The following LEMD3 variants were observed in gnomAD, a reference collection of about 807,000 sequenced individuals.
LEMD3 encodes the protein LEM domain containing 3, also known as inner nuclear membrane protein Man1.
Under a neutral mutation model 95.2 loss-of-function variants are expected in LEMD3, and 33 were observed. That is an observed-to-expected ratio of 0.35 (90% CI 0.26 to 0.46). The LOEUF (loss-of-function observed/expected upper bound fraction) is 0.46. Among genes scored for constraint, LEMD3 ranks in the 20% least tolerant of loss-of-function variants. The probability of loss-of-function intolerance (pLI) is 1.00; values close to 1 mark genes in which losing one functional copy is unlikely to be tolerated. For synonymous variants in LEMD3, 525 were observed against 474.6 expected (o/e 1.11, Z -1.38); for missense variants, 1,210 against 1,192.8 (o/e 1.01, Z -0.21).
At position 65,215,921 on chromosome 12, in the gene LEMD3, T is replaced by C; in HGVS notation, c.1561-56T>C. ...TTTTTTTTTTTTTGATTAAGAATTATTTGGTGTTTTTTTTCTTGTAATTGG... is the reference window on the plus strand; with the variant it reads ...TTTTTTTTTTTTTGATTAAGAATTACTTGGTGTTTTTTTTCTTGTAATTGG... On this transcript the variant is annotated intron_variant, in intron 2 of 12. Coordinates refer to ENST00000308330, the MANE Select transcript of LEMD3 (RefSeq NM_014319.5). 3 of 673,500 alleles carry C rather than the reference T, an allele frequency of 4.5e-6. No individual in the cohort carries two copies. The Admixed American group carries it at 8.2e-5, about 19-fold the overall frequency. The allele number at this position is 673,500 out of a possible 1,614,324, so 41.7% of individuals were successfully genotyped here. A position where few individuals can be genotyped will look rare whatever the true frequency, so the allele number is the denominator to read the frequency against.
intron 4 of LEMD3, 88 bp from the exon 5 acceptor site, chr12:65,238,414 A>T (rs899456827): frequency 5.1e-6 from 4 of 776,926 alleles, no homozygotes; most frequent in African/African-American, 1.8e-5. Context: ...TAAAATAAAA[A>T]TGTTATATAG....
At chr12:65,180,988 A>AC (rs1183503989) in intron 1 of LEMD3, among the ~76,000 whole-genome samples, 18 of 151,066 alleles carry the variant, frequency 1.2e-4, no homozygotes, top group African/African-American at 4.1e-4. Flanking sequence ...GTATGTACAC[A>AC]AACACACACA....
intron 1 of LEMD3, among the ~76,000 whole-genome samples, chr12:65,199,941 C>T (rs1379315285): frequency 6.6e-6 from 1 of 151,892 alleles, no homozygotes; most frequent in Non-Finnish European, 1.5e-5. Context: ...GGCAGGGAAC[C>T]TAAGGCTGAT....
At chr12:65,176,067 T>A (rs1868709628) in intron 1 of LEMD3, among the ~76,000 whole-genome samples, 1 of 152,212 alleles carries the variant, frequency 6.6e-6, no homozygotes, top group South Asian at 2.1e-4. Flanking sequence ...TCTAGGTTAG[T>A]CTCTTGCCTG....
In LEMD3 at chr12:65,169,646, T is replaced by C; in HGVS notation, c.50T>C (p.Leu17Pro). The change falls in exon 1 of 13, where the codon CTT becomes CCT. Residue 17 changes from leucine to proline, a missense_variant. Transcript: ENST00000308330. ...SAPQQLSDEELFSQLRRYGLS... is the reference protein window; with the variant it reads ...SAPQQLSDEEPFSQLRRYGLS... ...CCTCAGCAGCTCTCGGATGAGGAGC[T>C]TTTCTCTCAGCTCCGCCGTTACGGC... The C allele has an allele frequency of 1.9e-6, 3 of 1,587,676 alleles. No homozygotes were observed. Among genetic ancestry groups the C allele is most frequent in the Non-Finnish European group, 2.6e-6 (3 of 1,168,678 alleles).
intron 1 of LEMD3, among the ~76,000 whole-genome samples, chr12:65,178,822 T>A (rs972987657): frequency 6.6e-6 from 1 of 152,190 alleles, no homozygotes; most frequent in African/African-American, 2.4e-5. Context: ...TTAATATGTA[T>A]AAATAAGGAC....
chr12:65,223,651 T>C (rs966355217), intron 4 of LEMD3, among the ~76,000 whole-genome samples: 1 of 152,098 alleles, frequency 6.6e-6, no homozygotes, highest in Non-Finnish European at 1.5e-5. Flanking sequence ...ATGATAAAAT[T>C]GGAGCTTTTT....
intron 4 of LEMD3, among the ~76,000 whole-genome samples, chr12:65,236,254 T>C (rs1329784709): frequency 6.6e-6 from 1 of 152,196 alleles, no homozygotes; most frequent in Non-Finnish European, 1.5e-5. Flanking sequence ...CATTTTTTCC[T>C]CTACGAGCCA....
chr12:65,236,574 TG>T (rs1870779427), intron 4 of LEMD3, among the ~76,000 whole-genome samples: 2 of 152,056 alleles, frequency 1.3e-5, no homozygotes, highest in South Asian at 2.1e-4. Context: ...ATTCATTTTT[TG>T]CTCAAAAGGG....
intron 1 of LEMD3, among the ~76,000 whole-genome samples, chr12:65,191,405 A>C (rs1324609322): frequency 3.3e-5 from 5 of 152,152 alleles, no homozygotes; most frequent in African/African-American, 9.7e-5. Context: ...ATAACAGGAC[A>C]TATCAGATTT....
chr12:65,246,373 C>G lies in LEMD3; in HGVS notation c.*48C>G. ...GACTGTTATTTACAATAGGAAAATT[C>G]CTGTTTGGCTTTTTGTCTTCCTTTT... On this transcript the variant is annotated 3_prime_UTR_variant, in exon 13 of 13. Coordinates refer to ENST00000308330, the MANE Select transcript of LEMD3 (RefSeq NM_014319.5). The G allele has an allele frequency of 6.9e-7, 1 of 1,457,018 alleles. No individual in the cohort carries two copies. Among genetic ancestry groups the G allele is most frequent in the Non-Finnish European group, 9.6e-7 (1 of 1,040,566 alleles). 90.3% of individuals were successfully genotyped at this position (1,457,018 alleles called of 1,614,324 possible). A position where few individuals can be genotyped will look rare whatever the true frequency, so the allele number is the denominator to read the frequency against.
rs772526332 is a variant in LEMD3 at position 65,246,273 on chromosome 12, T to C, written c.2684T>C (p.Met895Thr). Residue 895 changes from methionine (M) to threonine (T), a missense_variant, in exon 13 of 13, where the codon ATG (methionine) becomes ACG (threonine). Met to Thr is a moderately conservative substitution (Grantham distance 81, BLOSUM62 -1). This residue lies in a region of LEMD3 where 461 missense variants were observed against 569.8 expected (regional missense o/e 0.81). Transcript: ENST00000308330. ...CCATCAAATAAACATATGAACTCCA[T>C]GTCTCATCTTCGTCTTCGGACTGGC... ...LKPSNKHMNS[M>T]SHLRLRTGLT... 1.2e-6 allele frequency: 2 copies of C among 1,613,618 alleles called. No individual in the cohort carries two copies. The highest frequency in any genetic ancestry group is 1.7e-6 in the Non-Finnish European group (2 of 1,179,632).
chr12:65,182,681 GATCACT>G (rs1184596135), intron 1 of LEMD3, among the ~76,000 whole-genome samples: 6 of 152,248 alleles, frequency 3.9e-5, no homozygotes, highest in African/African-American at 9.6e-5. Context: ...TAGCCTTGCT[GATCACT>G]AAAAGGTAGA....
chr12:65,223,551 C>T (rs2136344389), intron 4 of LEMD3, among the ~76,000 whole-genome samples: 1 of 152,152 alleles, frequency 6.6e-6, no homozygotes, highest in East Asian at 1.9e-4. Flanking sequence ...ATGGCTACCC[C>T]TACTCTTTAT....
intron 4 of LEMD3, among the ~76,000 whole-genome samples, chr12:65,221,396 C>A (rs1333424893): frequency 6.6e-6 from 1 of 151,564 alleles, no homozygotes; most frequent in Non-Finnish European, 1.5e-5. Flanking sequence ...TAACAAGATT[C>A]TTTTTAGTAG....
Position 65,170,693 on chromosome 12 carries a change from C to G in LEMD3, c.1097C>G (p.Pro366Arg), listed in dbSNP as rs199884145. The change falls in exon 1 of 13, where the codon CCT (proline) becomes CGT (arginine). Residue 366 changes from proline (P) to arginine (R), a missense_variant. Transcript: ENST00000308330. ...CGTGTTAACGCTAAGAAACTGACCCCTCTCCTGCCCCCGCCACTTACTGAC... is the reference window on the plus strand; with the variant it reads ...CGTGTTAACGCTAAGAAACTGACCCGTCTCCTGCCCCCGCCACTTACTGAC... ...RYRVNAKKLTPLLPPPLTDMD... is the reference protein window; with the variant it reads ...RYRVNAKKLTRLLPPPLTDMD... 7.4e-6 allele frequency: 12 copies of G among 1,614,216 alleles called. No individual in the cohort carries two copies. Among genetic ancestry groups the G allele is most frequent in the South Asian group, 3.3e-5 (3 of 91,088 alleles).
chr12:65,215,969 A>G lies in LEMD3; in HGVS notation c.1561-8A>G. The stretch of plus-strand genomic sequence containing the variant: ...TGGGTATTTCATAATAACTTCTCTT[A>G]ATTTTAGGAAAGTGAAAAAACTCTT... On this transcript the variant is annotated splice_region_variant and splice_polypyrimidine_tract_variant and intron_variant, in intron 2 of 12. Transcript: ENST00000308330. 7.4e-7 allele frequency: 1 copy of G among 1,357,398 alleles called. No homozygotes were observed. Among genetic ancestry groups the G allele is most frequent in the Non-Finnish European group, 1.0e-6 (1 of 977,092 alleles). The allele number at this position is 1,357,398 out of a possible 1,614,324, so 84.1% of individuals were successfully genotyped here.
At chr12:65,182,013 T>A (rs945065538) in intron 1 of LEMD3, among the ~76,000 whole-genome samples, 3 of 152,116 alleles carry the variant, frequency 2.0e-5, no homozygotes, top group Admixed American at 6.6e-5. Context: ...TTTATTTTAA[T>A]TTTCATGAGG....
chr12:65,177,209 G>A (rs981874027), intron 1 of LEMD3, among the ~76,000 whole-genome samples: 4 of 152,298 alleles, frequency 2.6e-5, no homozygotes, highest in Non-Finnish European at 4.4e-5. Context: ...AAGCATGATC[G>A]AATTGGTCCT....
Sources: gnomAD v4.1 joint callset for allele counts (sites outside exome capture counted in the v4.1 genomes callset) on GRCh38, gnomAD v4.1.1 for gene constraint, gnomAD v4.1.1 regional missense constraint, MANE v1.5 for transcripts, NCBI Gene and HGNC (gene_info 2026-07-23, HGNC 2026-07-21) for gene names.